The following ST3GAL2 variants were observed in gnomAD, a reference collection of about 807,000 sequenced individuals.
ST3GAL2 encodes CMP-N-acetylneuraminate-beta-galactosamide-alpha-2,3-sialyltransferase 2.
Under a neutral mutation model 37.5 loss-of-function variants are expected in ST3GAL2, and 16 were observed. That is an observed-to-expected ratio of 0.43 (90% CI 0.29 to 0.65). ST3GAL2 has a LOEUF of 0.65. ST3GAL2 is among the 30% of genes least tolerant of loss of function. The pLI, the probability that ST3GAL2 is intolerant of heterozygous loss-of-function variation, is 0.17. For synonymous variants in ST3GAL2, 238 were observed against 202.9 expected, an observed-to-expected ratio of 1.17 and a Z score of -1.47; for missense variants, 383 against 487.8, an observed-to-expected ratio of 0.79 and a Z score of 2.02.
intron 6 of ST3GAL2, among the ~76,000 whole-genome samples, 170 bp downstream of exon 6, chr16:70,382,635 A>G (rs1264067600): frequency 6.6e-6 from 1 of 152,180 alleles, no homozygotes; most frequent in Non-Finnish European, 1.5e-5. Context: ...TGAAAGCAGA[A>G]ACGTTTGGGA....
Position 70,399,057 on chromosome 16 carries a change from G to C in ST3GAL2, c.-527C>G, listed in dbSNP as rs931091083. 1.2e-5 allele frequency: 5 copies of C among 401,798 alleles called. No homozygotes were observed. The highest frequency in any genetic ancestry group is 6.2e-5 in the African/African-American group (3 of 48,656). 24.9% of individuals were successfully genotyped at this position (401,798 alleles called of 1,614,324 possible). On this transcript the variant is annotated 5_prime_UTR_variant, in exon 2 of 7. Coordinates refer to ENST00000342907, the MANE Select transcript of ST3GAL2 (RefSeq NM_006927.4). ...TTCAGGGGACTTGGGTTCCATGCAAGTGTTGTCCCACCTCCTGGCCCAAAA... is the reference window on the plus strand; with the variant it reads ...TTCAGGGGACTTGGGTTCCATGCAACTGTTGTCCCACCTCCTGGCCCAAAA...
chr16:70,421,670 G>A (rs1437235249), intron 1 of ST3GAL2, among the ~76,000 whole-genome samples: 2 of 152,304 alleles, frequency 1.3e-5, no homozygotes, highest in East Asian at 1.9e-4. Flanking sequence ...GTGGGGCCCA[G>A]GGCCCGCTTT....
rs1175719471 is a variant in ST3GAL2 at position 70,378,114 on chromosome 16, G to A, written c.*3575C>T. On this transcript the variant is annotated 3_prime_UTR_variant, in exon 7 of 7. Transcript: ENST00000342907. ...CCCATTTTAGCAATAAAGGGAAGTA[G>A]AATGATATTTATAGGAGTTTTAAAA... The A allele has an allele frequency of 1.3e-5, 2 of 152,174 alleles. No individual in the cohort carries two copies. The highest frequency in any genetic ancestry group is 1.9e-4 in the East Asian group (1 of 5,196). 9.4% of individuals were successfully genotyped at this position (152,174 alleles called of 1,614,324 possible).
chr16:70,401,866 C>T (rs1385797012), intron 1 of ST3GAL2, among the ~76,000 whole-genome samples: 1 of 151,670 alleles, frequency 6.6e-6, no homozygotes, highest in East Asian at 1.9e-4. Context: ...TTGTGGTGGC[C>T]ACCTATAATT....
At chr16:70,389,007 G>A (rs1209329914) in intron 3 of ST3GAL2, among the ~76,000 whole-genome samples, 1 of 146,202 alleles carries the variant, frequency 6.8e-6, no homozygotes, top group Non-Finnish European at 1.5e-5. Flanking sequence ...CCTGGAGGCA[G>A]AGATTGCAGT....
intron 6 of ST3GAL2, 79 bp from the exon 7 acceptor site, chr16:70,381,941 G>A (rs1015192980): frequency 2.5e-6 from 4 of 1,577,404 alleles, no homozygotes; most frequent in Non-Finnish European, 3.4e-6. Flanking sequence ...ATGACAGGGA[G>A]GAGAGGGGAC....
chr16:70,433,060 G>A (rs1048818254), intron 1 of ST3GAL2, among the ~76,000 whole-genome samples: 1 of 152,186 alleles, frequency 6.6e-6, no homozygotes, highest in Non-Finnish European at 1.5e-5. Flanking sequence ...CCTCCAAAGC[G>A]AGGCCACATC....
At chr16:70,419,030 G>A (rs1361399865) in intron 1 of ST3GAL2, among the ~76,000 whole-genome samples, 3 of 152,136 alleles carry the variant, frequency 2.0e-5, no homozygotes, top group Non-Finnish European at 4.4e-5. Context: ...AGGGAGGGCA[G>A]GGCATTCCCT....
chr16:70,436,061 G>T, intron 1 of ST3GAL2, among the ~76,000 whole-genome samples: 1 of 151,918 alleles, frequency 6.6e-6, no homozygotes. Context: ...GGGAGGCGGA[G>T]GTTGCAGTGA....
chr16:70,431,874 G>C (rs929080585), intron 1 of ST3GAL2, among the ~76,000 whole-genome samples: 4 of 151,970 alleles, frequency 2.6e-5, no homozygotes, highest in African/African-American at 7.3e-5. Flanking sequence ...TGAGGCAGGA[G>C]AATGGCATGA....
chr16:70,416,642 A>G (rs1051087912), intron 1 of ST3GAL2, among the ~76,000 whole-genome samples: 4 of 152,200 alleles, frequency 2.6e-5, no homozygotes, highest in Non-Finnish European at 5.9e-5. Flanking sequence ...TATGAATTAT[A>G]TAAGTATGCA....
chr16:70,415,394 G>C (rs560799219), intron 1 of ST3GAL2, among the ~76,000 whole-genome samples: 3 of 152,190 alleles, frequency 2.0e-5, no homozygotes, highest in Non-Finnish European at 2.9e-5. Context: ...GCACGGGGAA[G>C]GTCACAAGAA....
At chr16:70,427,039 T>A (rs1355880776) in intron 1 of ST3GAL2, among the ~76,000 whole-genome samples, 2 of 151,952 alleles carry the variant, frequency 1.3e-5, no homozygotes, top group African/African-American at 4.8e-5. Flanking sequence ...TTTACCGACA[T>A]GGTCTCCCTA....
rs534832248 is a variant in ST3GAL2, at chr16:70,424,609, T to TTAAA, written c.-1004+14336_-1004+14339dup. On this transcript the variant is annotated intron_variant, in intron 1 of 6. Transcript: ENST00000342907. ...AGAGCAAAACTCTGTCTCAAAAAAA[T>TTAAA]TAAATAAATAAATAAATAAATAATA... is the stretch of plus-strand genomic sequence containing the variant. Among the ~76,000 whole-genome samples the TTAAA allele has an allele frequency of 5.7e-4, 86 of 151,626 alleles. 1 individual carries two copies. The highest frequency in any genetic ancestry group is 1.9e-3 in the South Asian group (9 of 4,796).
At chr16:70,388,130 A>T (rs1597556506) in intron 4 of ST3GAL2, among the ~76,000 whole-genome samples, 1 of 150,680 alleles carries the variant, frequency 6.6e-6, no homozygotes, top group Admixed American at 6.6e-5. Flanking sequence ...AAAAAAAAAC[A>T]AACAAAAAAA....
intron 1 of ST3GAL2, among the ~76,000 whole-genome samples, chr16:70,426,199 T>G (rs74454745): frequency 4.8e-4 from 68 of 142,194 alleles, no homozygotes; most frequent in East Asian, 2.4e-3. Context: ...TTTTTTTTTT[T>G]TTTTTTGTTT....
At chr16:70,437,517 A>C (rs2047833854) in intron 1 of ST3GAL2, among the ~76,000 whole-genome samples, 1 of 150,516 alleles carries the variant, frequency 6.6e-6, no homozygotes, top group Admixed American at 6.6e-5. Flanking sequence ...CAAAAAAAAA[A>C]AAATCTGAAG....
intron 2 of ST3GAL2, among the ~76,000 whole-genome samples, chr16:70,395,972 C>CTT (rs11353666): frequency 2.1e-4 from 30 of 141,688 alleles, no homozygotes; most frequent in South Asian, 2.3e-4. Context: ...ATGAAATACT[C>CTT]TTTTTTTTTT....
chr16:70,398,476 T>C lies in ST3GAL2; in HGVS notation c.55A>G (p.Ile19Val), dbSNP rs2047532840. The change falls in exon 2 of 7, where the codon ATC becomes GTC. Residue 19 changes from isoleucine to valine, a missense_variant. Physicochemically the swap from Ile to Val is conservative, Grantham distance 29 (BLOSUM62 3). This residue lies in a region of ST3GAL2 where 223 missense variants were observed against 239.1 expected (regional missense o/e 0.93). Coordinates refer to ENST00000342907, the MANE Select transcript of ST3GAL2 (RefSeq NM_006927.4). ...FLSVAFLLVF[I>V]MSLLFTYSHH... The stretch of plus-strand genomic sequence containing the variant: ...GAGTAGGTGAAGAGCAGGGACATGA[T>C]GAACACCAGCAGGAAGGCCACGGAG... 1.2e-6 allele frequency: 2 copies of C among 1,613,416 alleles called. No homozygotes were observed. The highest frequency in any genetic ancestry group is 1.7e-6 in the Non-Finnish European group (2 of 1,179,970).
Sources: allele counts gnomAD v4.1 joint callset (sites outside exome capture counted in the v4.1 genomes callset), GRCh38; gene constraint gnomAD v4.1.1; regional missense constraint gnomAD v4.1.1; transcripts MANE v1.5; gene names NCBI Gene and HGNC (gene_info 2026-07-23, HGNC 2026-07-21).